The following CEP85L variants were observed in gnomAD, a reference collection of about 807,000 sequenced individuals.
CEP85L encodes centrosomal protein of 85 kDa-like.
In CEP85L, 60 loss-of-function variants were observed where a neutral mutation model predicts 100.3. The ratio of observed to expected loss-of-function variants is 0.60; its 90% CI spans 0.49 to 0.74. The LOEUF (loss-of-function observed/expected upper bound fraction) is 0.74, where lower values mean the gene tolerates loss of function less well. CEP85L is among the 30% of genes least tolerant of loss of function. The pLI, the probability that CEP85L is intolerant of heterozygous loss-of-function variation, is 0.00. For missense variants in CEP85L, 973 were observed against 936.2 expected, an observed-to-expected ratio of 1.04 and a Z score of -0.51; for synonymous variants, 319 against 322.7, an observed-to-expected ratio of 0.99 and a Z score of 0.12.
chr6:118,495,162 T>G (rs529204173), intron 5 of CEP85L, among the ~76,000 whole-genome samples: 1 of 152,050 alleles, frequency 6.6e-6, no homozygotes, highest in Non-Finnish European at 1.5e-5. Flanking sequence ...ATGCCTTGTT[T>G]CACATGAGGC....
intron 1 of CEP85L, among the ~76,000 whole-genome samples, chr6:118,645,412 G>A (rs1775115987): frequency 6.6e-6 from 1 of 152,198 alleles, no homozygotes. Flanking sequence ...GGTGGTTCAT[G>A]CCTGTCATCC....
At chr6:118,535,463 C>A (rs942417527) in intron 3 of CEP85L, among the ~76,000 whole-genome samples, 1 of 152,194 alleles carries the variant, frequency 6.6e-6, no homozygotes, top group East Asian at 1.9e-4. Context: ...CTCATATAAT[C>A]GCAGTTTCAC....
rs1232256423 is a variant in CEP85L, at chr6:118,634,948, G to T, written c.74-2337C>A. Among the ~76,000 whole-genome samples the T allele has an allele frequency of 4.6e-5, 7 of 152,074 alleles. No individual in the cohort carries two copies. The East Asian group carries it at 1.3e-3, about 29-fold the overall frequency. Reference sequence around the variant, plus strand: ...CCAAATCTCACTAATGGTGGGAGAAGTGAAAAAGACAATAAATTTTCTGGA... The same window carrying T: ...CCAAATCTCACTAATGGTGGGAGAATTGAAAAAGACAATAAATTTTCTGGA... On this transcript the variant is annotated intron_variant, in intron 1 of 12. Coordinates refer to ENST00000368491, the MANE Select transcript of CEP85L (RefSeq NM_001042475.3).
chr6:118,702,090 T>C (rs960382531), intron 1 of CEP85L, among the ~76,000 whole-genome samples: 11 of 152,186 alleles, frequency 7.2e-5, no homozygotes, highest in African/African-American at 2.2e-4. Context: ...TCTCCGTAGA[T>C]AGCTCCACTT....
chr6:118,494,041 G>C (rs1774760468), intron 5 of CEP85L, among the ~76,000 whole-genome samples: 1 of 152,206 alleles, frequency 6.6e-6, no homozygotes, highest in Non-Finnish European at 1.5e-5. Flanking sequence ...TGAGAGAAAT[G>C]AGGTTACAGG....
Position 118,513,747 on chromosome 6 carries a change from C to CA in CEP85L, c.1140-2333dup, listed in dbSNP as rs949374543. ...AATTGATCACCCCAGACTTCAACTACAAAAAAAATGATAAAGGAACACCTT... is the reference window on the plus strand; with the variant it reads ...AATTGATCACCCCAGACTTCAACTACAAAAAAAAATGATAAAGGAACACCTT... On this transcript the variant is annotated intron_variant, in intron 4 of 12. Coordinates refer to ENST00000368491, the MANE Select transcript of CEP85L (RefSeq NM_001042475.3). Among the ~76,000 whole-genome samples the CA allele has an allele frequency of 2.1e-3, 316 of 151,176 alleles. 2 individuals carry two copies. Among genetic ancestry groups the CA allele is most frequent in the African/African-American group, 7.4e-3 (307 of 41,248 alleles).
chr6:118,675,847 T>C (rs558317413), intron 1 of CEP85L, among the ~76,000 whole-genome samples: 4 of 151,930 alleles, frequency 2.6e-5, no homozygotes. Flanking sequence ...CAGAGAAAAG[T>C]GATAAAGGAG....
upstream of CEP85L, chr6:118,651,630 G>A: frequency 3.0e-6 from 3 of 1,010,640 alleles, no homozygotes; most frequent in Non-Finnish European, 3.5e-6. Flanking sequence ...CGGGGCTGGG[G>A]CCGCGAGGGG....
At chr6:118,651,732 C>T (rs1775582266), upstream of CEP85L, 14 of 986,800 alleles carry the variant, frequency 1.4e-5, no homozygotes, top group African/African-American at 1.7e-5. Context: ...GGTGAGCTAC[C>T]CCGACCCCGC....
At chr6:118,532,140 C>T (rs916675253) in intron 3 of CEP85L, among the ~76,000 whole-genome samples, 1 of 152,016 alleles carries the variant, frequency 6.6e-6, no homozygotes, top group Non-Finnish European at 1.5e-5. Context: ...AAATGTGGTA[C>T]TATGTATATA....
intron 3 of CEP85L, among the ~76,000 whole-genome samples, chr6:118,536,978 T>C (rs554805767): frequency 6.6e-6 from 1 of 152,294 alleles, no homozygotes; most frequent in Non-Finnish European, 1.5e-5. Context: ...TACCATTGCA[T>C]GGCAGTTATA....
intron 2 of CEP85L, among the ~76,000 whole-genome samples, chr6:118,615,603 A>G (rs1174529236): frequency 1.3e-5 from 2 of 152,164 alleles, no homozygotes; most frequent in Admixed American, 6.5e-5. Context: ...CTAGTAAGAA[A>G]GTCTTTCTTT....
intron 2 of CEP85L, among the ~76,000 whole-genome samples, chr6:118,596,410 A>G (rs948242544): frequency 6.6e-5 from 10 of 152,184 alleles, no homozygotes. Flanking sequence ...AATGAAAAAC[A>G]ATGTTTATCA....
intron 2 of CEP85L, 112 bp from the exon 3 acceptor site, chr6:118,566,428 T>C (rs1779511382): frequency 1.1e-6 from 1 of 947,116 alleles, no homozygotes; most frequent in Non-Finnish European, 1.5e-6. Flanking sequence ...GCACAAGCTT[T>C]TTTTTTTGAG....
intron 2 of CEP85L, among the ~76,000 whole-genome samples, chr6:118,621,463 C>A (rs1040534494): frequency 3.9e-5 from 6 of 152,148 alleles, no homozygotes; most frequent in African/African-American, 1.4e-4. Flanking sequence ...GATGGTCCTG[C>A]CCCAGGGGTT....
chr6:118,486,352 G>A (rs1020015206), intron 6 of CEP85L, among the ~76,000 whole-genome samples: 10 of 152,122 alleles, frequency 6.6e-5, no homozygotes, highest in Non-Finnish European at 1.2e-4. Flanking sequence ...GAGGTATGAC[G>A]CAATACTGAT....
At chr6:118,547,253 T>G (rs1258804561) in intron 3 of CEP85L, among the ~76,000 whole-genome samples, 1 of 152,118 alleles carries the variant, frequency 6.6e-6, no homozygotes, top group Non-Finnish European at 1.5e-5. Context: ...GATGCCCGGC[T>G]TTACAAAAAA....
intron 1 of CEP85L, among the ~76,000 whole-genome samples, chr6:118,686,211 G>A (rs62422255): frequency 7.6e-6 from 1 of 132,200 alleles, no homozygotes; most frequent in African/African-American, 2.5e-5. Flanking sequence ...TTTTTTTTTA[G>A]AAACAACTTT....
At chr6:118,659,916 G>A (rs1026874530) in intron 1 of CEP85L, among the ~76,000 whole-genome samples, 4 of 152,232 alleles carry the variant, frequency 2.6e-5, no homozygotes, top group Non-Finnish European at 4.4e-5. Context: ...GAGCATAGAT[G>A]AGCAATGCCA....
Sources: allele counts gnomAD v4.1 joint callset (sites outside exome capture counted in the v4.1 genomes callset), GRCh38; gene constraint gnomAD v4.1.1; transcripts MANE v1.5; gene names NCBI Gene and HGNC (gene_info 2026-07-23, HGNC 2026-07-21).